The following KBTBD11 variants were observed in gnomAD, a reference collection of about 807,000 sequenced individuals.
KBTBD11 encodes kelch repeat and BTB domain containing 11, also known as kelch repeat and BTB domain-containing protein 11.
For synonymous variants in KBTBD11, 747 were observed against 499.0 expected (o/e 1.50, Z -6.63); for missense variants, 1,390 against 1,001.8 (o/e 1.39, Z -5.23).
chr8:1,977,149 A>C lies in KBTBD11; in HGVS notation c.-909+3214A>C, dbSNP rs989363155. Among the ~76,000 whole-genome samples, 4 of 152,010 alleles carry C rather than the reference A, an allele frequency of 2.6e-5. No individual in the cohort carries two copies. In the East Asian group the frequency reaches 5.8e-4, roughly 22 times the overall value. ...TCTATTTTATGTGTGACCCAAGACAATTCTTCCAGTGTGGCCCACGGAAGC... is the reference window on the plus strand; with the variant it reads ...TCTATTTTATGTGTGACCCAAGACACTTCTTCCAGTGTGGCCCACGGAAGC... On this transcript the variant is annotated intron_variant, in intron 1 of 1. Coordinates refer to ENST00000320248, the MANE Select transcript of KBTBD11 (RefSeq NM_014867.3).
chr8:2,002,656 C>T lies in KBTBD11; in HGVS notation c.1464C>T (p.Ser488=), dbSNP rs769134181. The change falls in exon 2 of 2, where the codon AGC becomes AGT. Residue 488 remains serine (S), a synonymous_variant. Coordinates refer to ENST00000320248, the MANE Select transcript of KBTBD11 (RefSeq NM_014867.3). This position sits in a 1 kb window ranked among gnomAD's most constrained non-coding sequence, Gnocchi z 4.1. ...DEWQECPCSS[S]RERSADMVAL... ...GGCAGGAGTGCCCGTGCAGCAGCAG[C>T]CGCGAGCGCTCGGCCGACATGGTGG... is the stretch of plus-strand genomic sequence containing the variant. 3.2e-6 allele frequency: 5 copies of T among 1,575,450 alleles called. No homozygotes were observed. The highest frequency in any genetic ancestry group is 1.8e-5 in the Admixed American group (1 of 57,034).
Position 2,002,716 on chromosome 8 carries a change from C to T in KBTBD11, c.1524C>T (p.Ser508=). 5 of 1,516,004 alleles carry T rather than the reference C, an allele frequency of 3.3e-6. No homozygotes were observed. The highest frequency in any genetic ancestry group is 4.1e-5 in the Admixed American group (2 of 48,436). The allele number at this position is 1,516,004 out of a possible 1,614,324, so 93.9% of individuals were successfully genotyped here. The part of the protein sequence containing the change: ...LDGFIYRFDL[S]GSRGEAQAAG... ...GCTTCATCTACCGCTTCGATCTGAG[C>T]GGCAGCCGCGGCGAGGCGCAGGCGG... The change falls in exon 2 of 2, where the codon AGC becomes AGT. Residue 508 remains serine, a synonymous_variant. Transcript: ENST00000320248. This position sits in a 1 kb window ranked among gnomAD's most constrained non-coding sequence, Gnocchi z 4.1.
intron 1 of KBTBD11, among the ~76,000 whole-genome samples, chr8:1,984,726 G>T (rs12547915): frequency 1.3e-5 from 2 of 151,970 alleles, no homozygotes; most frequent in Non-Finnish European, 2.9e-5. Flanking sequence ...CATTTGGGCA[G>T]ATGTGGCAGA....
At chr8:1,979,096 G>C (rs1199381248) in intron 1 of KBTBD11, among the ~76,000 whole-genome samples, 4 of 152,176 alleles carry the variant, frequency 2.6e-5, no homozygotes, top group Admixed American at 6.5e-5. Flanking sequence ...GCACGTGTGA[G>C]AGGGATTAGA....
chr8:1,993,443 A>G (rs1188645017), intron 1 of KBTBD11, among the ~76,000 whole-genome samples: 3 of 148,640 alleles, frequency 2.0e-5, no homozygotes, highest in South Asian at 4.3e-4. Flanking sequence ...CCATCCATCC[A>G]TCTATCCATC....
chr8:1,986,904 GC>G (rs1563367036), intron 1 of KBTBD11, among the ~76,000 whole-genome samples: 1 of 149,880 alleles, frequency 6.7e-6, no homozygotes, highest in Non-Finnish European at 1.5e-5. Flanking sequence ...CAGGCGTGGT[GC>G]CTCACTCCTG....
intron 1 of KBTBD11, among the ~76,000 whole-genome samples, chr8:1,994,903 A>G (rs1261075611): frequency 6.6e-6 from 1 of 152,104 alleles, no homozygotes; most frequent in African/African-American, 2.4e-5. Flanking sequence ...TACTAAAAAT[A>G]CAAATACTAG....
chr8:1,996,931 T>G (rs1817162807), intron 1 of KBTBD11, among the ~76,000 whole-genome samples: 1 of 152,114 alleles, frequency 6.6e-6, no homozygotes, highest in Non-Finnish European at 1.5e-5. Flanking sequence ...ACTATTTATA[T>G]TTAATTAGCC....
chr8:1,991,408 C>T (rs1187995236), intron 1 of KBTBD11, among the ~76,000 whole-genome samples: 1 of 152,260 alleles, frequency 6.6e-6, no homozygotes, highest in African/African-American at 2.4e-5. Context: ...CTCAGACGCC[C>T]CCAGAAGCTG....
rs1817373388 is a variant in KBTBD11 at position 2,001,774 on chromosome 8, G to T, written c.582G>T (p.Gly194=). ...TGCTCCTCGCCGACGCCTACAGCGGGCGCATGGCGGGCGTGCGGCCCGACA... is the reference window on the plus strand; with the variant it reads ...TGCTCCTCGCCGACGCCTACAGCGGTCGCATGGCGGGCGTGCGGCCCGACA... ...LRLLLADAYS[G]RMAGVRPDNV... is the part of the protein sequence containing the mutation. The change falls in exon 2 of 2, where the codon GGG becomes GGT. Residue 194 remains glycine, a synonymous_variant. Coordinates refer to ENST00000320248, the MANE Select transcript of KBTBD11 (RefSeq NM_014867.3). 1 of 1,279,828 alleles carries T rather than the reference G, an allele frequency of 7.8e-7. No homozygotes were observed. The highest frequency in any genetic ancestry group is 9.8e-7 in the Non-Finnish European group (1 of 1,016,310). 79.3% of individuals were successfully genotyped at this position (1,279,828 alleles called of 1,614,324 possible).
chr8:1,997,136 C>T (rs543278996), intron 1 of KBTBD11, among the ~76,000 whole-genome samples: 14 of 152,238 alleles, frequency 9.2e-5, no homozygotes, highest in Admixed American at 3.3e-4. Context: ...CCAAACCCTC[C>T]GGCGGGGGGT....
At chr8:1,984,333 G>C (rs1164020202) in intron 1 of KBTBD11, among the ~76,000 whole-genome samples, 5 of 131,078 alleles carry the variant, frequency 3.8e-5, no homozygotes, top group Non-Finnish European at 6.2e-5. Context: ...CTTTCACCCA[G>C]GCTGGAGTGC....
intron 1 of KBTBD11, among the ~76,000 whole-genome samples, chr8:1,987,999 T>G (rs1031008610): frequency 6.6e-6 from 1 of 152,156 alleles, no homozygotes; most frequent in East Asian, 1.9e-4. Context: ...TTTCTGTCCT[T>G]GTGATAGTTT....
Position 1,973,822 on chromosome 8 carries a change from A to G in KBTBD11, c.-1022A>G, listed in dbSNP as rs956301700. ...GCAGCTCCCGCTCGCAGGTGCTCGG[A>G]GAGGCCGGGCCGCGGCTCCCACAGG... On this transcript the variant is annotated 5_prime_UTR_variant, in exon 1 of 2. Transcript: ENST00000320248. The G allele has an allele frequency of 4.7e-5, 46 of 983,064 alleles. No individual in the cohort carries two copies. Among genetic ancestry groups the G allele is most frequent in the Non-Finnish European group, 5.4e-5 (45 of 829,162 alleles). The allele number at this position is 983,064 out of a possible 1,614,324, so 60.9% of individuals were successfully genotyped here.
chr8:1,973,780 C>T lies in KBTBD11; in HGVS notation c.-1064C>T, dbSNP rs887623679. ...ACCGCCCCCTCTGCCGCCCACGCCC[C>T]GCTGCGGGTCGGAGGAGCAGCTCCC... On this transcript the variant is annotated 5_prime_UTR_variant, in exon 1 of 2. Coordinates refer to ENST00000320248, the MANE Select transcript of KBTBD11 (RefSeq NM_014867.3). 10 of 983,670 alleles carry T rather than the reference C, an allele frequency of 1.0e-5. 1 individual carries two copies. Among genetic ancestry groups the T allele is most frequent in the African/African-American group, 1.8e-5 (1 of 57,046 alleles). The allele number at this position is 983,670 out of a possible 1,614,324, so 60.9% of individuals were successfully genotyped here.
Position 2,001,972 on chromosome 8 carries a change from C to G in KBTBD11, c.780C>G (p.Ser260Arg). 1 of 1,466,902 alleles carries G rather than the reference C, an allele frequency of 6.8e-7. No individual in the cohort carries two copies. Among genetic ancestry groups the G allele is most frequent in the African/African-American group, 1.5e-5 (1 of 67,886 alleles). 90.9% of individuals were successfully genotyped at this position (1,466,902 alleles called of 1,614,324 possible). A position where few individuals can be genotyped will look rare whatever the true frequency, so the allele number is the denominator to read the frequency against. ...ELRDAAYCFMSDHYLEVLREP... is the reference protein window; with the variant it reads ...ELRDAAYCFMRDHYLEVLREP... ...GCGACGCCGCCTACTGCTTCATGAG[C>G]GACCACTATCTGGAGGTGCTGCGCG... Residue 260 changes from serine to arginine, a missense_variant, in exon 2 of 2, where the codon AGC becomes AGG. Ser to Arg is a moderately radical substitution (Grantham distance 110, BLOSUM62 -1). Coordinates refer to ENST00000320248, the MANE Select transcript of KBTBD11 (RefSeq NM_014867.3).
intron 1 of KBTBD11, among the ~76,000 whole-genome samples, chr8:1,997,551 T>A (rs1817188943): frequency 1.3e-5 from 2 of 152,246 alleles, no homozygotes. Context: ...CGTTCAGTGC[T>A]GTGAGACCAT....
chr8:2,001,797 A>T lies in KBTBD11; in HGVS notation c.605A>T (p.Asp202Val). The T allele has an allele frequency of 8.0e-7, 1 of 1,251,342 alleles. No individual in the cohort carries two copies. The highest frequency in any genetic ancestry group is 1.0e-6 in the Non-Finnish European group (1 of 1,002,004). The allele number at this position is 1,251,342 out of a possible 1,614,324, so 77.5% of individuals were successfully genotyped here. Residue 202 changes from aspartate (D) to valine (V), a missense_variant, in exon 2 of 2, where the codon GAC becomes GTC. By Grantham distance (152) the Asp-to-Val change is radical. Coordinates refer to ENST00000320248, the MANE Select transcript of KBTBD11 (RefSeq NM_014867.3). ...GGGCGCATGGCGGGCGTGCGGCCCGACAACGTGGCCGAGGTGGTGGCCGGC... is the reference window on the plus strand; with the variant it reads ...GGGCGCATGGCGGGCGTGCGGCCCGTCAACGTGGCCGAGGTGGTGGCCGGC... ...YSGRMAGVRP[D>V]NVAEVVAGAR... is the part of the protein sequence containing the mutation.
intron 1 of KBTBD11, among the ~76,000 whole-genome samples, chr8:1,987,348 G>A (rs1816738196): frequency 6.6e-6 from 1 of 152,174 alleles, no homozygotes; most frequent in South Asian, 2.1e-4. Flanking sequence ...TTTGAACAGT[G>A]TTAGCGTGAC....
Sources: allele counts gnomAD v4.1 joint callset (sites outside exome capture counted in the v4.1 genomes callset), GRCh38; gene constraint gnomAD v4.1.1; non-coding constraint Gnocchi (gnomAD v3.1); transcripts MANE v1.5; gene names NCBI Gene and HGNC (gene_info 2026-07-23, HGNC 2026-07-21).